Variants in UMPS observed in about 807,000 individuals in gnomAD.
UMPS encodes the protein uridine 5'-monophosphate synthase.
A neutral mutation model predicts 38.9 loss-of-function variants in UMPS; 21 were observed. The ratio of observed to expected loss-of-function variants is 0.54; its 90% CI spans 0.38 to 0.78. The LOEUF is 0.78. Among genes scored for constraint, UMPS ranks in the 30% least tolerant of loss-of-function variants. The pLI is 0.00. For missense variants in UMPS, 533 were observed against 591.6 expected, an observed-to-expected ratio of 0.90 and a Z score of 1.03; for synonymous variants, 208 against 219.3, an observed-to-expected ratio of 0.95 and a Z score of 0.45.
chr3:124,735,383 A>G, intron 2 of UMPS, 137 bp downstream of exon 2: 1 of 827,396 alleles, frequency 1.2e-6, no homozygotes, highest in Non-Finnish European at 1.9e-6. Context: ...AGAATTTATA[A>G]TTGTTACTAT....
At chr3:124,738,372 A>G (rs2063532815) in intron 3 of UMPS, 133 bp downstream of exon 3, 5 of 878,242 alleles carry the variant, frequency 5.7e-6, no homozygotes, top group South Asian at 1.5e-5. Flanking sequence ...CAGGAGCTCA[A>G]GTGATATCTT....
intron 4 of UMPS, among the ~76,000 whole-genome samples, chr3:124,740,593 C>T (rs964973316): frequency 3.3e-5 from 5 of 152,170 alleles, no homozygotes; most frequent in African/African-American, 1.2e-4. Flanking sequence ...ATTCCCATGA[C>T]AGCAGCCCAC....
chr3:124,735,145 C>A lies in UMPS; in HGVS notation c.209C>A (p.Thr70Asn). 3 of 1,614,094 alleles carry A rather than the reference C, an allele frequency of 1.9e-6. No individual in the cohort carries two copies. The highest frequency in any genetic ancestry group is 1.7e-6 in the Non-Finnish European group (2 of 1,179,974). ...CAAAATGCAGGCATCAGTTTTGACA[C>A]CGTGTGTGGAGTGCCTTATACAGCT... is the stretch of plus-strand genomic sequence containing the variant. The part of the protein sequence containing the change: ...TAQNAGISFD[T>N]VCGVPYTALP... The change falls in exon 2 of 6, where the codon ACC (threonine) becomes AAC (asparagine). Residue 70 changes from threonine (T) to asparagine (N), a missense_variant. Physicochemically the swap from Thr to Asn is moderately conservative, Grantham distance 65 (BLOSUM62 0). Coordinates refer to ENST00000232607, the MANE Select transcript of UMPS (RefSeq NM_000373.4).
chr3:124,743,894 C>T (rs1420019991), intron 5 of UMPS, 21 bp from the exon 6 acceptor site: 2 of 1,613,536 alleles, frequency 1.2e-6, no homozygotes, highest in Non-Finnish European at 8.5e-7. Flanking sequence ...TGTGAAACAA[C>T]AATTTTTGTG....
chr3:124,742,408 CTA>C (rs2063563380), intron 5 of UMPS, 142 bp downstream of exon 5: 2 of 685,382 alleles, frequency 2.9e-6, no homozygotes, highest in South Asian at 3.4e-5. Context: ...CCTTTGGTAA[CTA>C]TGTATCTTTG....
chr3:124,746,001 C>G lies in UMPS; in HGVS notation c.*1917C>G. On this transcript the variant is annotated 3_prime_UTR_variant, in exon 6 of 6. Coordinates refer to ENST00000232607, the MANE Select transcript of UMPS (RefSeq NM_000373.4). ...GAGAATTTGCGTTTCCAAAAAGGTC[C>G]CAGGTGATGCTGCGGTTGCCTGCGC... The G allele has an allele frequency of 2.2e-6, 1 of 453,980 alleles. No individual in the cohort carries two copies. The highest frequency in any genetic ancestry group is 6.9e-5 in the East Asian group (1 of 14,412). The allele number at this position is 453,980 out of a possible 1,614,324, so 28.1% of individuals were successfully genotyped here.
chr3:124,735,659 G>T lies in UMPS; in HGVS notation c.310+413G>T, dbSNP rs577507111. ...ATATTTTTGTGGGTTCATGGCAATAGATTATCAGGTGACTTGCTTTAAAAC... is the reference window on the plus strand; with the variant it reads ...ATATTTTTGTGGGTTCATGGCAATATATTATCAGGTGACTTGCTTTAAAAC... On this transcript the variant is annotated intron_variant, in intron 2 of 5. Coordinates refer to ENST00000232607, the MANE Select transcript of UMPS (RefSeq NM_000373.4). Among the ~76,000 whole-genome samples the T allele has an allele frequency of 3.9e-5, 6 of 152,324 alleles. No individual in the cohort carries two copies. In the South Asian group the frequency reaches 1.2e-3, roughly 32 times the overall value.
At chr3:124,735,270 A>G in intron 2 of UMPS, 24 bp downstream of exon 2, 1 of 1,594,930 alleles carries the variant, frequency 6.3e-7, no homozygotes, top group Non-Finnish European at 8.6e-7. Context: ...AACATAAAGC[A>G]TGAAGTTAAT....
chr3:124,742,478 A>G (rs1309206168), intron 5 of UMPS: 1 of 587,828 alleles, frequency 1.7e-6, no homozygotes, highest in African/African-American at 1.9e-5. Flanking sequence ...TGATAACAGT[A>G]TTGACCTCAT....
rs181697356 is a variant in UMPS at position 124,747,869 on chromosome 3, C to G, written c.*3785C>G. The stretch of plus-strand genomic sequence containing the variant: ...AATCCTGTACTTTAACACAGTGGAC[C>G]AAGTGTCAGTCATTGAAAATGACCA... On this transcript the variant is annotated 3_prime_UTR_variant, in exon 6 of 6. Transcript: ENST00000232607. 1.0e-3 allele frequency: 461 copies of G among 453,562 alleles called. 3 individuals are homozygous for G. Among genetic ancestry groups the G allele is most frequent in the African/African-American group, 8.0e-3 (403 of 50,080 alleles). The allele number at this position is 453,562 out of a possible 1,614,324, so 28.1% of individuals were successfully genotyped here.
chr3:124,740,296 C>CAA, intron 4 of UMPS, 97 bp downstream of exon 4: 9 of 1,139,848 alleles, frequency 7.9e-6, no homozygotes, highest in Non-Finnish European at 1.1e-5. Flanking sequence ...GAACCTCTGC[C>CAA]AAAAAAAAAA....
intron 4 of UMPS, 104 bp from the exon 5 acceptor site, chr3:124,742,048 C>CT (rs5852426): frequency 0.025 from 19,463 of 780,032 alleles, 6 homozygotes; most frequent in South Asian, 0.027. Context: ...GACCTCATGT[C>CT]TTTTTTTTTT....
Position 124,738,628 on chromosome 3 carries a change from GA to G in UMPS, c.982+391del, listed in dbSNP as rs568561879. Reference sequence around the variant, plus strand: ...GAAAATGGATGTGCTAGTACCAGAAGAAGGGTATGTGCCTGGGCAAGCAAAT... The same window carrying G: ...GAAAATGGATGTGCTAGTACCAGAAGAGGGTATGTGCCTGGGCAAGCAAAT... On this transcript the variant is annotated intron_variant, in intron 3 of 5. Transcript: ENST00000232607. 2.4e-4 allele frequency: 48 copies of G among 203,260 alleles called. No homozygotes were observed. The East Asian group carries it at 5.8e-3, about 24-fold the overall frequency. The allele number at this position is 203,260 out of a possible 1,614,324, so 12.6% of individuals were successfully genotyped here.
intron 3 of UMPS, among the ~76,000 whole-genome samples, chr3:124,739,553 C>T (rs374648254): frequency 4.6e-5 from 7 of 152,238 alleles, no homozygotes; most frequent in South Asian, 4.2e-4. Context: ...AGGCTGGTCT[C>T]GAACTCCTAA....
Position 124,744,218 on chromosome 3 carries a change from T to C in UMPS, c.*134T>C. ...ACAGGGCCTGTGTAAGAATGGGTTCTGGAGTTCTCATGGTCTTTAGGAAAT... is the reference window on the plus strand; with the variant it reads ...ACAGGGCCTGTGTAAGAATGGGTTCCGGAGTTCTCATGGTCTTTAGGAAAT... On this transcript the variant is annotated 3_prime_UTR_variant, in exon 6 of 6. Coordinates refer to ENST00000232607, the MANE Select transcript of UMPS (RefSeq NM_000373.4). The C allele has an allele frequency of 1.9e-6, 2 of 1,030,396 alleles. No homozygotes were observed. The highest frequency in any genetic ancestry group is 2.0e-5 in the Admixed American group (1 of 50,946). The allele number at this position is 1,030,396 out of a possible 1,614,324, so 63.8% of individuals were successfully genotyped here. A position where few individuals can be genotyped will look rare whatever the true frequency, so the allele number is the denominator to read the frequency against.
intron 1 of UMPS, chr3:124,731,634 C>T (rs1459542331): frequency 4.1e-6 from 1 of 242,712 alleles, no homozygotes; most frequent in Non-Finnish European, 8.6e-6. Flanking sequence ...CCTGTAGTCC[C>T]AACTTTGGGA....
Position 124,742,129 on chromosome 3 carries a change from A to T in UMPS, c.1159-23A>T, listed in dbSNP as rs765883900. Reference sequence around the variant, plus strand: ...GTGTGATTAACTGTTTTCTTATAATATGTCCTATTACATTCCATTTAGGTT... The same window carrying T: ...GTGTGATTAACTGTTTTCTTATAATTTGTCCTATTACATTCCATTTAGGTT... On this transcript the variant is annotated intron_variant, in intron 4 of 5. Transcript: ENST00000232607. The T allele has an allele frequency of 7.9e-6, 12 of 1,516,718 alleles. No homozygotes were observed. In the South Asian group the frequency reaches 1.2e-4, roughly 16 times the overall value. The allele number at this position is 1,516,718 out of a possible 1,614,324, so 94.0% of individuals were successfully genotyped here. A position where few individuals can be genotyped will look rare whatever the true frequency, so the allele number is the denominator to read the frequency against.
At chr3:124,737,378 T>G (rs1384711952) in intron 2 of UMPS, among the ~76,000 whole-genome samples, 190 bp from the exon 3 acceptor site, 1 of 152,206 alleles carries the variant, frequency 6.6e-6, no homozygotes, top group Admixed American at 6.5e-5. Flanking sequence ...AACTGGCAAG[T>G]TTGGTATACA....
chr3:124,745,471 C>G lies in UMPS; in HGVS notation c.*1387C>G. 1 of 453,694 alleles carries G rather than the reference C, an allele frequency of 2.2e-6. No individual in the cohort carries two copies. Among genetic ancestry groups the G allele is most frequent in the Non-Finnish European group, 4.4e-6 (1 of 226,742 alleles). 28.1% of individuals were successfully genotyped at this position (453,694 alleles called of 1,614,324 possible). Reference sequence around the variant, plus strand: ...TTCTGCCTCTCTGGTTCAAGCAGTTCTCCTGCCTCAGCCTCCCGAGTAGCT... The same window carrying G: ...TTCTGCCTCTCTGGTTCAAGCAGTTGTCCTGCCTCAGCCTCCCGAGTAGCT... On this transcript the variant is annotated 3_prime_UTR_variant, in exon 6 of 6. Coordinates refer to ENST00000232607, the MANE Select transcript of UMPS (RefSeq NM_000373.4).
Sources: gnomAD v4.1 joint callset for allele counts (sites outside exome capture counted in the v4.1 genomes callset) on GRCh38, gnomAD v4.1.1 for gene constraint, MANE v1.5 for transcripts, NCBI Gene and HGNC (gene_info 2026-07-23, HGNC 2026-07-21) for gene names.